Variants in C1orf21 observed in about 807,000 individuals in gnomAD.
C1orf21 encodes uncharacterized protein C1orf21.
In C1orf21, 3 loss-of-function variants were observed where a neutral mutation model predicts 18.7. The observed-to-expected ratio is 0.16, with a 90% CI of 0.07 to 0.42. The LOEUF is 0.42. Ranked by LOEUF, C1orf21 falls within the 10% of genes least tolerant of loss-of-function variation. C1orf21 has a pLI of 0.99. For synonymous variants in C1orf21, 41 were observed against 46.4 expected (o/e 0.88, Z 0.47); for missense variants, 104 against 143.6 (o/e 0.72, Z 1.41).
intron 1 of C1orf21, among the ~76,000 whole-genome samples, chr1:184,455,833 A>C (rs1657190453): frequency 6.6e-6 from 1 of 152,194 alleles, no homozygotes; most frequent in Non-Finnish European, 1.5e-5. Context: ...TCACTGTTAA[A>C]TTTTTGATAG....
chr1:184,597,471 G>A (rs1386622175), intron 4 of C1orf21, among the ~76,000 whole-genome samples: 2 of 152,074 alleles, frequency 1.3e-5, no homozygotes, highest in African/African-American at 4.8e-5. Flanking sequence ...ACCACACTTG[G>A]ATATGAAGGG....
intron 1 of C1orf21, among the ~76,000 whole-genome samples, chr1:184,407,864 T>G (rs1656275190): frequency 6.6e-6 from 1 of 152,208 alleles, no homozygotes; most frequent in Admixed American, 6.5e-5. Flanking sequence ...TTATATATCT[T>G]GGTTGCGCTG....
intron 1 of C1orf21, among the ~76,000 whole-genome samples, chr1:184,406,549 A>G (rs1282881852): frequency 6.6e-6 from 1 of 152,200 alleles, no homozygotes; most frequent in African/African-American, 2.4e-5. Context: ...GGTCTTCTCT[A>G]TGCAGCCTGA....
At chr1:184,604,278 C>G (rs926411840) in intron 5 of C1orf21, among the ~76,000 whole-genome samples, 3 of 152,114 alleles carry the variant, frequency 2.0e-5, no homozygotes, top group African/African-American at 7.2e-5. Context: ...GGGACTGTCA[C>G]GTCAAAACCT....
At chr1:184,506,187 A>G (rs1387353868) in intron 2 of C1orf21, among the ~76,000 whole-genome samples, 1 of 152,216 alleles carries the variant, frequency 6.6e-6, no homozygotes, top group African/African-American at 2.4e-5. Flanking sequence ...AATAGAATCA[A>G]TAATAACTCT....
chr1:184,573,706 G>A (rs1052494551), intron 3 of C1orf21, among the ~76,000 whole-genome samples: 1 of 151,982 alleles, frequency 6.6e-6, no homozygotes, highest in Non-Finnish European at 1.5e-5. Flanking sequence ...TGAATAATGT[G>A]GAGTATTGGT....
chr1:184,502,788 C>T (rs1318137817), intron 2 of C1orf21, among the ~76,000 whole-genome samples: 2 of 152,004 alleles, frequency 1.3e-5, no homozygotes, highest in African/African-American at 4.8e-5. Flanking sequence ...ATTATTAGAA[C>T]TTAACGTGGC....
chr1:184,508,273 C>A (rs76672742), intron 3 of C1orf21, among the ~76,000 whole-genome samples: 1,538 of 152,152 alleles, frequency 0.01, 27 homozygotes, highest in African/African-American at 0.033. Flanking sequence ...ATACACATTC[C>A]ATCTTAACAT....
chr1:184,462,091 G>C (rs979448689), intron 1 of C1orf21, among the ~76,000 whole-genome samples: 1 of 152,192 alleles, frequency 6.6e-6, no homozygotes, highest in Admixed American at 6.5e-5. Flanking sequence ...CCTTAGAGAT[G>C]AGGATTCACC....
chr1:184,393,339 C>T (rs1272324245), intron 1 of C1orf21, among the ~76,000 whole-genome samples: 1 of 152,100 alleles, frequency 6.6e-6, no homozygotes, highest in African/African-American at 2.4e-5. Flanking sequence ...TGCCCCACAC[C>T]TCCTCCCTTC....
chr1:184,388,291 G>C (rs778597522), intron 1 of C1orf21, among the ~76,000 whole-genome samples: 2 of 152,212 alleles, frequency 1.3e-5, no homozygotes, highest in Non-Finnish European at 2.9e-5. Context: ...TTTGCTCCAA[G>C]AGTTGCATGG....
chr1:184,475,581 A>T (rs1200337847), intron 1 of C1orf21, among the ~76,000 whole-genome samples: 1 of 152,172 alleles, frequency 6.6e-6, no homozygotes, highest in East Asian at 1.9e-4. Flanking sequence ...GTGAAACCAC[A>T]ATCAGAGCTT....
intron 1 of C1orf21, among the ~76,000 whole-genome samples, chr1:184,432,559 C>T (rs1029367089): frequency 2.6e-5 from 4 of 151,910 alleles, no homozygotes; most frequent in Non-Finnish European, 2.9e-5. Flanking sequence ...AGGAGAAATA[C>T]CTAATGTAGA....
chr1:184,410,663 A>ATTT (rs71297843), intron 1 of C1orf21, among the ~76,000 whole-genome samples: 286 of 7,668 alleles, frequency 0.037, 79 homozygotes, highest in East Asian at 0.091. Flanking sequence ...ATATATATAT[A>ATTT]TTTTTTTTTT....
intron 2 of C1orf21, among the ~76,000 whole-genome samples, chr1:184,487,566 ACATTTG>A (rs1208446703): frequency 1.3e-5 from 2 of 152,204 alleles, no homozygotes; most frequent in African/African-American, 4.8e-5. Flanking sequence ...GTCCAAACCA[ACATTTG>A]CTCAGAAGTC....
At chr1:184,485,495 T>G (rs1657719411) in intron 2 of C1orf21, among the ~76,000 whole-genome samples, 1 of 152,226 alleles carries the variant, frequency 6.6e-6, no homozygotes, top group Non-Finnish European at 1.5e-5. Context: ...GCAGTGGTAG[T>G]GTGAGAATTT....
intron 2 of C1orf21, among the ~76,000 whole-genome samples, chr1:184,502,227 G>C (rs963729841): frequency 1.3e-5 from 2 of 152,180 alleles, no homozygotes; most frequent in Non-Finnish European, 2.9e-5. Flanking sequence ...CAAGGTGCCT[G>C]CATTTTGTAT....
intron 5 of C1orf21, among the ~76,000 whole-genome samples, chr1:184,602,917 G>A (rs1659603827): frequency 6.6e-6 from 1 of 152,176 alleles, no homozygotes; most frequent in African/African-American, 2.4e-5. Flanking sequence ...TAAATAAAGA[G>A]TATCTTAGTA....
intron 3 of C1orf21, among the ~76,000 whole-genome samples, chr1:184,588,637 A>C (rs1303324836): frequency 6.6e-6 from 1 of 152,190 alleles, no homozygotes; most frequent in African/African-American, 2.4e-5. Flanking sequence ...TTGTAGGCAT[A>C]AAAATGAGTT....
Sources: allele counts gnomAD v4.1 joint callset (sites outside exome capture counted in the v4.1 genomes callset), GRCh38; gene constraint gnomAD v4.1.1; transcripts MANE v1.5; gene names NCBI Gene and HGNC (gene_info 2026-07-23, HGNC 2026-07-21).